HSPA14: variants seen among roughly 807,000 people sequenced by gnomAD.
HSPA14 encodes the protein heat shock 70 kDa protein 14.
In HSPA14, 37 loss-of-function variants were observed where a neutral mutation model predicts 65.5. The observed-to-expected ratio is 0.56, with a 90% CI of 0.43 to 0.74. The LOEUF (loss-of-function observed/expected upper bound fraction) is 0.74, where lower values mean the gene tolerates loss of function less well. Among genes scored for constraint, HSPA14 ranks in the 30% least tolerant of loss-of-function variants. The pLI, the probability that HSPA14 is intolerant of heterozygous loss-of-function variation, is 0.00. For synonymous variants in HSPA14, 203 were observed against 214.2 expected (o/e 0.95, Z 0.46); for missense variants, 564 against 607.6 (o/e 0.93, Z 0.75).
chr10:14,864,232 G>GAA (rs1228351277), intron 10 of HSPA14, among the ~76,000 whole-genome samples: 2 of 102,650 alleles, frequency 1.9e-5, no homozygotes, highest in Admixed American at 1.0e-4. Context: ...TCTGTCTCCG[G>GAA]AAAAAAAAAA....
rs374837716 is a variant in HSPA14, at chr10:14,848,641, C to T, written c.254C>T (p.Ala85Val). 1.7e-5 allele frequency: 27 copies of T among 1,610,776 alleles called. No individual in the cohort carries two copies. Among genetic ancestry groups the T allele is most frequent in the South Asian group, 6.6e-5 (6 of 90,710 alleles). Residue 85 changes from alanine (A) to valine (V), a missense_variant, in exon 4 of 14, where the codon GCG becomes GTG. Ala to Val is a moderately conservative substitution (Grantham distance 64, BLOSUM62 0). Transcript: ENST00000378372. ...SSDPQAQKYI[A>V]ESKCLVIEKN... ...GATCCACAAGCTCAGAAATACATCG[C>T]GGAAAGTAAATGTTTAGTGAGTATG...
intron 3 of HSPA14, chr10:14,844,214 A>G (rs930243665): frequency 3.5e-5 from 40 of 1,127,820 alleles, no homozygotes; most frequent in African/African-American, 4.9e-5. Flanking sequence ...ATGGGGATCA[A>G]TAATAACTCC....
intron 10 of HSPA14, among the ~76,000 whole-genome samples, chr10:14,857,006 T>C (rs952156299): frequency 3.3e-5 from 5 of 152,236 alleles, no homozygotes; most frequent in Non-Finnish European, 7.3e-5. Flanking sequence ...TTGCTAGCTA[T>C]AGTTTTGTGA....
At position 14,864,205 on chromosome 10, in the gene HSPA14, G is replaced by A. The variant is rs1266370336; in HGVS notation, c.994-2878G>A. Among the ~76,000 whole-genome samples the A allele has an allele frequency of 1.0e-4, 15 of 148,630 alleles. No homozygotes were observed. The South Asian group carries it at 1.1e-3, about 11-fold the overall frequency. On this transcript the variant is annotated intron_variant, in intron 10 of 13. Transcript: ENST00000378372. ...GACTGTACCACTGCAACTCCAGCCC[G>A]GGTGACAGGGCAAGACTCTGTCTCC... is the stretch of plus-strand genomic sequence containing the variant.
intron 10 of HSPA14, among the ~76,000 whole-genome samples, chr10:14,859,540 A>G (rs1337197566): frequency 6.6e-6 from 1 of 152,236 alleles, no homozygotes; most frequent in Non-Finnish European, 1.5e-5. Flanking sequence ...AAGGGAGCTT[A>G]GATAAATGAA....
At position 14,850,512 on chromosome 10, in the gene HSPA14, A is replaced by T. The variant is rs575639763; in HGVS notation, c.467+701A>T. Among the ~76,000 whole-genome samples, 9 of 152,360 alleles carry T rather than the reference A, an allele frequency of 5.9e-5. No homozygotes were observed. In the South Asian group the frequency reaches 1.9e-3, roughly 32 times the overall value. ...TTATAGTTTTTACAGGTCATTATGC[A>T]AATGTATTGGTGTGCTTTTATGCCT... is the stretch of plus-strand genomic sequence containing the variant. On this transcript the variant is annotated intron_variant, in intron 6 of 13. Transcript: ENST00000378372.
chr10:14,856,219 A>G (rs932783851), intron 10 of HSPA14, among the ~76,000 whole-genome samples: 1 of 152,202 alleles, frequency 6.6e-6, no homozygotes, highest in African/African-American at 2.4e-5. Flanking sequence ...GCTATGTGCC[A>G]GGCACTTTTT....
Position 14,842,136 on chromosome 10 carries a change from A to C in HSPA14, c.221+1979A>C. ...CTCATTCCCCTGTGGCCTTCCAGCC[A>C]GAAATGCGGTCCTTGGACCTGGCTT... On this transcript the variant is annotated intron_variant, in intron 3 of 13. Coordinates refer to ENST00000378372, the MANE Select transcript of HSPA14 (RefSeq NM_016299.4). The surrounding 1 kb of genome is among the most constrained non-coding windows in gnomAD (Gnocchi z 5.2). 1 of 1,533,894 alleles carries C rather than the reference A, an allele frequency of 6.5e-7. No homozygotes were observed. Among genetic ancestry groups the C allele is most frequent in the Non-Finnish European group, 8.7e-7 (1 of 1,146,122 alleles).
At chr10:14,865,794 G>A (rs61191903) in intron 10 of HSPA14, among the ~76,000 whole-genome samples, 206 of 152,274 alleles carry the variant, frequency 1.4e-3, no homozygotes, top group African/African-American at 4.8e-3. Context: ...ACTTGGCAAC[G>A]TGGGCTCTTT....
chr10:14,850,964 C>T, intron 6 of HSPA14: 1 of 276,712 alleles, frequency 3.6e-6, no homozygotes, highest in Non-Finnish European at 6.7e-6. Flanking sequence ...CTTTATTTCT[C>T]TTATTCAGTA....
intron 10 of HSPA14, among the ~76,000 whole-genome samples, chr10:14,857,091 C>T (rs1273631133): frequency 4.0e-5 from 6 of 151,852 alleles, no homozygotes; most frequent in East Asian, 1.9e-4. Flanking sequence ...TAACCAATTT[C>T]CCCCCATATT....
chr10:14,842,234 G>C lies in HSPA14; in HGVS notation c.221+2077G>C. ...CACACAGAGCTTCCCCACACCTTCA[G>C]ACTTGCACCTTGCTGTCCAGAAGCT... On this transcript the variant is annotated intron_variant, in intron 3 of 13. Coordinates refer to ENST00000378372, the MANE Select transcript of HSPA14 (RefSeq NM_016299.4). The surrounding 1 kb of genome is among the most constrained non-coding windows in gnomAD (Gnocchi z 5.2). 1 of 1,535,660 alleles carries C rather than the reference G, an allele frequency of 6.5e-7. No individual in the cohort carries two copies. The highest frequency in any genetic ancestry group is 2.4e-5 in the East Asian group (1 of 40,900).
At chr10:14,846,632 T>TA (rs1397397069) in intron 3 of HSPA14, 1 of 952,684 alleles carries the variant, frequency 1.0e-6, no homozygotes, top group Non-Finnish European at 1.2e-6. Context: ...TCCTCATTTA[T>TA]AAAGTGGGAA....
At chr10:14,866,931 A>G (rs780141195) in intron 10 of HSPA14, 152 bp from the exon 11 acceptor site, 47 of 539,944 alleles carry the variant, frequency 8.7e-5, no homozygotes, top group Non-Finnish European at 1.4e-4. Flanking sequence ...TTGTGTATTT[A>G]TAGGTTAAGT....
At chr10:14,867,386 A>T in intron 11 of HSPA14, 91 bp downstream of exon 11, 2 of 858,776 alleles carry the variant, frequency 2.3e-6, no homozygotes, top group Non-Finnish European at 3.7e-6. Flanking sequence ...AAGTTTTTAT[A>T]CATACCATGA....
intron 11 of HSPA14, 29 bp downstream of exon 11, chr10:14,867,324 G>A: frequency 6.8e-7 from 1 of 1,468,770 alleles, no homozygotes; most frequent in Non-Finnish European, 9.5e-7. Flanking sequence ...TACTAGTTAA[G>A]GTATGTTTAG....
At chr10:14,857,019 T>A (rs1832707725) in intron 10 of HSPA14, among the ~76,000 whole-genome samples, 1 of 152,240 alleles carries the variant, frequency 6.6e-6, no homozygotes. Context: ...TTTTGTGAGT[T>A]TTTTTAATAA....
At chr10:14,854,787 A>T (rs939787734) in intron 9 of HSPA14, among the ~76,000 whole-genome samples, 4 of 152,150 alleles carry the variant, frequency 2.6e-5, no homozygotes, top group African/African-American at 7.2e-5. Context: ...AAGACTCTAG[A>T]TCTGCACTGC....
chr10:14,845,544 T>A (rs1834038293), intron 3 of HSPA14: 2 of 984,812 alleles, frequency 2.0e-6, no homozygotes, highest in Non-Finnish European at 2.4e-6. Flanking sequence ...TGGATTGGAA[T>A]CCTGTCACAG....
Sources: gnomAD v4.1 joint callset for allele counts (sites outside exome capture counted in the v4.1 genomes callset) on GRCh38, gnomAD v4.1.1 for gene constraint, Gnocchi (gnomAD v3.1) non-coding constraint, MANE v1.5 for transcripts, NCBI Gene and HGNC (gene_info 2026-07-23, HGNC 2026-07-21) for gene names.